Variants in BCL6 observed in about 807,000 individuals in gnomAD.
BCL6 encodes B-cell lymphoma 6 protein.
BCL6 carries 7 observed loss-of-function variants against 59.5 expected under a neutral mutation model. The observed-to-expected ratio is 0.12, with a 90% CI of 0.07 to 0.22. The LOEUF is 0.22. Ranked by LOEUF, BCL6 falls within the 10% of genes least tolerant of loss-of-function variation. The pLI, the probability that BCL6 is intolerant of heterozygous loss-of-function variation, is 1.00. For synonymous variants in BCL6, 339 were observed against 349.7 expected, an observed-to-expected ratio of 0.97 and a Z score of 0.34; for missense variants, 685 against 939.4, an observed-to-expected ratio of 0.73 and a Z score of 3.54.
At chr3:187,727,995 A>G (rs1454933467) in intron 6 of BCL6, among the ~76,000 whole-genome samples, 1 of 152,210 alleles carries the variant, frequency 6.6e-6, no homozygotes, top group Non-Finnish European at 1.5e-5. Context: ...CAGAATGTAC[A>G]GCCTGGCAGA....
At chr3:187,744,774 A>G (rs564356433) in intron 1 of BCL6, among the ~76,000 whole-genome samples, 1 of 152,004 alleles carries the variant, frequency 6.6e-6, no homozygotes, top group African/African-American at 2.4e-5. Flanking sequence ...AGGCGAGGAA[A>G]AAGAGGAGGG....
In BCL6 at chr3:187,725,380, G is replaced by A. The variant is rs898183873; in HGVS notation, c.1839+119C>T. On this transcript the variant is annotated intron_variant, in intron 8 of 9. Coordinates refer to ENST00000406870, the MANE Select transcript of BCL6 (RefSeq NM_001706.5). This position sits in a 1 kb window ranked among gnomAD's most constrained non-coding sequence, Gnocchi z 4.7. ...TCCTGCCCGCTCTGCTCACCTGCCC[G>A]CTCCGCTTGCCTGCCCGCTCCACTT... 4.4e-5 allele frequency: 67 copies of A among 1,531,362 alleles called. No homozygotes were observed. Among genetic ancestry groups the A allele is most frequent in the South Asian group, 3.3e-4 (27 of 80,906 alleles). The allele number at this position is 1,531,362 out of a possible 1,614,324, so 94.9% of individuals were successfully genotyped here. A position where few individuals can be genotyped will look rare whatever the true frequency, so the allele number is the denominator to read the frequency against.
intron 6 of BCL6, 122 bp from the exon 7 acceptor site, chr3:187,727,020 A>G: frequency 8.9e-7 from 1 of 1,118,202 alleles, no homozygotes; most frequent in Non-Finnish European, 1.3e-6. Flanking sequence ...TCACTCACCC[A>G]CCCGACATTC....
At chr3:187,744,883 C>T (rs935253985) in intron 1 of BCL6, among the ~76,000 whole-genome samples, 18 of 152,158 alleles carry the variant, frequency 1.2e-4, no homozygotes, top group East Asian at 7.8e-4. Context: ...AGATCACAAG[C>T]CGTACGCAAG....
chr3:187,740,933 C>T (rs1711564826), intron 1 of BCL6, among the ~76,000 whole-genome samples: 1 of 152,204 alleles, frequency 6.6e-6, no homozygotes, highest in Admixed American at 6.5e-5. Context: ...TTGGAGGGTG[C>T]CCTCCTTCTG....
At chr3:187,744,823 A>C (rs573214132) in intron 1 of BCL6, among the ~76,000 whole-genome samples, 3 of 152,254 alleles carry the variant, frequency 2.0e-5, no homozygotes, top group South Asian at 2.1e-4. Context: ...CAAGGAAAGC[A>C]GTTTGCAAGC....
intron 1 of BCL6, chr3:187,737,455 C>T (rs1719345357): frequency 6.6e-6 from 1 of 151,526 alleles, no homozygotes; most frequent in African/African-American, 2.4e-5. Flanking sequence ...ATACAAAAGA[C>T]CCCATCCTTT....
At chr3:187,724,469 A>G (rs1297763421) in intron 9 of BCL6, 1 of 153,904 alleles carries the variant, frequency 6.5e-6, no homozygotes, top group African/African-American at 2.4e-5. Context: ...GTTTTTTTTT[A>G]ATTTTTTCCT....
At chr3:187,735,386 C>T (rs74484720) in intron 1 of BCL6, among the ~76,000 whole-genome samples, 10,894 of 152,278 alleles carry the variant, frequency 0.072, 413 homozygotes, top group East Asian at 0.092. Flanking sequence ...ATATCTTTAT[C>T]CTTATTTCAC....
Position 187,729,179 on chromosome 3 carries a change from G to C in BCL6, c.1226C>G (p.Thr409Arg), listed in dbSNP as rs763470720. Residue 409 changes from threonine (T) to arginine (R), a missense_variant, in exon 5 of 10, where the codon ACG (threonine) becomes AGG (arginine). This residue lies in a region of BCL6 where 207 missense variants were observed against 213.7 expected (regional missense o/e 0.97). Coordinates refer to ENST00000406870, the MANE Select transcript of BCL6 (RefSeq NM_001706.5). The surrounding 1 kb of genome is among the most constrained non-coding windows in gnomAD (Gnocchi z 5.6). ...GGGTGGCTGGCAGGCAGGTGGGGCC[G>C]TGTAGGCTCGTGGGGAAAGGCGGCC... ...ELGRLSPRAY[T>R]APPACQPPME... The C allele has an allele frequency of 6.2e-7, 1 of 1,613,260 alleles. No homozygotes were observed. The highest frequency in any genetic ancestry group is 1.7e-5 in the Admixed American group (1 of 59,982).
chr3:187,744,546 C>A (rs1711790908), intron 1 of BCL6, among the ~76,000 whole-genome samples: 1 of 152,246 alleles, frequency 6.6e-6, no homozygotes. Flanking sequence ...ATAGTAGACA[C>A]GATACTTCAT....
intron 3 of BCL6, 97 bp downstream of exon 3, chr3:187,733,436 C>T: frequency 1.4e-6 from 2 of 1,414,476 alleles, no homozygotes; most frequent in Admixed American, 3.8e-5. Flanking sequence ...AGACGTCATC[C>T]CAGATGCAGT....
At chr3:187,733,365 C>T (rs1206281480) in intron 3 of BCL6, among the ~76,000 whole-genome samples, 168 bp downstream of exon 3, 1 of 151,882 alleles carries the variant, frequency 6.6e-6, no homozygotes, top group African/African-American at 2.4e-5. Flanking sequence ...TCCATTCATT[C>T]ATTCATTCAC....
Position 187,729,644 on chromosome 3 carries a change from C to T in BCL6, c.761G>A (p.Cys254Tyr). 6.2e-7 allele frequency: 1 copy of T among 1,614,154 alleles called. No homozygotes were observed. Among genetic ancestry groups the T allele is most frequent in the South Asian group, 1.1e-5 (1 of 91,078 alleles). Reference sequence around the variant, plus strand: ...CTTGGGTGAATAGATATTGCTGTGGCACACATTGGGGGACACCTCCAAAGT... The same window carrying T: ...CTTGGGTGAATAGATATTGCTGTGGTACACATTGGGGGACACCTCCAAAGT... ...RPTLEVSPNV[C>Y]HSNIYSPKET... The change falls in exon 5 of 10, where the codon TGC becomes TAC. Residue 254 changes from cysteine to tyrosine, a missense_variant. Physicochemically the swap from Cys to Tyr is radical, Grantham distance 194. Coordinates refer to ENST00000406870, the MANE Select transcript of BCL6 (RefSeq NM_001706.5). The surrounding 1 kb of genome is among the most constrained non-coding windows in gnomAD (Gnocchi z 5.6).
intron 1 of BCL6, among the ~76,000 whole-genome samples, chr3:187,740,476 C>T (rs1711546330): frequency 6.6e-6 from 1 of 152,080 alleles, no homozygotes; most frequent in South Asian, 2.1e-4. Context: ...TGCTGGGGAG[C>T]GGTTTCCAAT....
Position 187,728,537 on chromosome 3 carries a change from T to C in BCL6, c.1363A>G (p.Thr455Ala). 1 of 1,607,240 alleles carries C rather than the reference T, an allele frequency of 6.2e-7. No homozygotes were observed. The highest frequency in any genetic ancestry group is 8.5e-7 in the Non-Finnish European group (1 of 1,178,288). ...TCGCTGCTGCTGCGGGGAGAGCCCG[T>C]CATGGACCTATGGACAGGAGTAAAA... ...RLNNIVNRSM[T>A]GSPRSSSESH... The change falls in exon 6 of 10, where the codon ACG (threonine) becomes GCG (alanine). Residue 455 changes from threonine to alanine, a missense_variant. Coordinates refer to ENST00000406870, the MANE Select transcript of BCL6 (RefSeq NM_001706.5).
chr3:187,733,840 C>T (rs975410885), intron 2 of BCL6, 137 bp from the exon 3 acceptor site: 1 of 822,818 alleles, frequency 1.2e-6, no homozygotes, highest in African/African-American at 1.7e-5. Flanking sequence ...TTGAACAATT[C>T]ATAGTCCAAC....
Position 187,721,901 on chromosome 3 carries a change from C to A in BCL6, c.*557G>T, listed in dbSNP as rs890275462. 2.4e-5 allele frequency: 5 copies of A among 207,310 alleles called. No individual in the cohort carries two copies. The highest frequency in any genetic ancestry group is 3.9e-5 in the Non-Finnish European group (4 of 102,470). 12.8% of individuals were successfully genotyped at this position (207,310 alleles called of 1,614,324 possible). A position where few individuals can be genotyped will look rare whatever the true frequency, so the allele number is the denominator to read the frequency against. ...GTCTGCCTGCAGATACAAAATCGAG[C>A]CTTTAACGCAGTTTTATATTTTTAA... On this transcript the variant is annotated 3_prime_UTR_variant, in exon 10 of 10. Coordinates refer to ENST00000406870, the MANE Select transcript of BCL6 (RefSeq NM_001706.5). The surrounding 1 kb of genome is among the most constrained non-coding windows in gnomAD (Gnocchi z 4.2).
intron 1 of BCL6, among the ~76,000 whole-genome samples, chr3:187,740,065 G>C (rs2108478640): frequency 6.6e-6 from 1 of 152,300 alleles, no homozygotes; most frequent in East Asian, 1.9e-4. Flanking sequence ...ACCCGGGCGG[G>C]GGCGACGGCG....
Sources: gnomAD v4.1 joint callset for allele counts (sites outside exome capture counted in the v4.1 genomes callset) on GRCh38, gnomAD v4.1.1 for gene constraint, gnomAD v4.1.1 regional missense constraint, Gnocchi (gnomAD v3.1) non-coding constraint, MANE v1.5 for transcripts, NCBI Gene and HGNC (gene_info 2026-07-23, HGNC 2026-07-21) for gene names.